MAP7D2: variants seen among roughly 807,000 people sequenced by gnomAD.
The protein encoded by MAP7D2 is MAP7 domain-containing protein 2.
In MAP7D2, 33 loss-of-function variants were observed where a neutral mutation model predicts 63.5. The ratio of observed to expected loss-of-function variants is 0.52; its 90% CI spans 0.39 to 0.70. MAP7D2 has a LOEUF of 0.70. MAP7D2 is among the 30% of genes least tolerant of loss of function. The pLI is 0.00. For synonymous variants in MAP7D2, 224 were observed against 223.7 expected (o/e 1.00, Z -0.01); for missense variants, 626 against 604.0 (o/e 1.04, Z -0.38).
At chrX:20,014,284 C>G (rs778558161) in intron 12 of MAP7D2, among the ~76,000 whole-genome samples, 1 of 112,257 alleles carries the variant, frequency 8.9e-6, no homozygotes, top group Non-Finnish European at 1.9e-5. Flanking sequence ...AAAGGGCTGT[C>G]AGGCCAAGCA....
chrX:20,039,573 T>C (rs2064592966), intron 8 of MAP7D2, among the ~76,000 whole-genome samples: 1 of 111,752 alleles, frequency 8.9e-6, no homozygotes, highest in South Asian at 3.8e-4. Context: ...TGGATTGGAT[T>C]GAAGGATGCA....
At chrX:20,104,465 T>C (rs1183680289) in intron 1 of MAP7D2, among the ~76,000 whole-genome samples, 1 of 111,635 alleles carries the variant, frequency 9.0e-6, no homozygotes, top group African/African-American at 3.3e-5. Context: ...CACACCCGGC[T>C]AATTTTTGTA....
chrX:20,019,071 A>G (rs970555824), intron 10 of MAP7D2, among the ~76,000 whole-genome samples: 28 of 109,341 alleles, frequency 2.6e-4, no homozygotes, highest in Middle Eastern at 4.6e-3. Context: ...CTGTTGCCCA[A>G]GTTGGAGTGC....
chrX:20,071,364 A>G (rs1291904072), intron 1 of MAP7D2, among the ~76,000 whole-genome samples: 3 of 112,440 alleles, frequency 2.7e-5, no homozygotes, highest in Non-Finnish European at 5.6e-5. Context: ...TGTTGCTTTA[A>G]AAGCCCCGCG....
At chrX:20,071,694 C>T (rs769830567) in intron 1 of MAP7D2, among the ~76,000 whole-genome samples, 1 of 112,575 alleles carries the variant, frequency 8.9e-6, no homozygotes, top group South Asian at 3.7e-4. Flanking sequence ...AAACAGTCTG[C>T]AGAAGGAATG....
chrX:20,075,821 G>A (rs2065629234), intron 1 of MAP7D2, among the ~76,000 whole-genome samples: 1 of 111,763 alleles, frequency 8.9e-6, no homozygotes, highest in South Asian at 3.7e-4. Flanking sequence ...ACTAACCTCA[G>A]GGGAATCATA....
chrX:20,096,476 A>G (rs1256742537), intron 1 of MAP7D2, among the ~76,000 whole-genome samples: 1 of 108,358 alleles, frequency 9.2e-6, no homozygotes, highest in African/African-American at 3.4e-5. Context: ...GACACATACT[A>G]CTTATACATA....
intron 7 of MAP7D2, 74 bp from the exon 8 acceptor site, chrX:20,042,703 T>C (rs2064692112): frequency 2.7e-6 from 3 of 1,117,483 alleles, no homozygotes; most frequent in Non-Finnish European, 3.7e-6. Context: ...ATACCCCAGA[T>C]GGAACAATGC....
In MAP7D2 at chrX:20,052,969, T is replaced by C. The variant is rs372337729; in HGVS notation, c.504A>G (p.Thr168=). 6.6e-6 allele frequency: 8 copies of C among 1,205,532 alleles called. No individual in the cohort carries two copies. Among genetic ancestry groups the C allele is most frequent in the Non-Finnish European group, 7.9e-6 (7 of 890,603 alleles). Residue 168 remains threonine (T), a synonymous_variant, in exon 5 of 17, where the codon ACA becomes ACG. Coordinates refer to ENST00000379643, the MANE Select transcript of MAP7D2 (RefSeq NM_001168465.2). Reference sequence around the variant, plus strand: ...TTGGCTTTGGCAAACTCATAGTTGATGTTGAAAGTTTGTCACATGCTGCAG... The same window carrying C: ...TTGGCTTTGGCAAACTCATAGTTGACGTTGAAAGTTTGTCACATGCTGCAG... ...GGHDACDKLS[T]STMSLPKPTE...
In MAP7D2 at chrX:20,034,011, G is replaced by A. The variant is rs571584648; in HGVS notation, c.1008-8059C>T. On this transcript the variant is annotated intron_variant, in intron 8 of 16. Coordinates refer to ENST00000379643, the MANE Select transcript of MAP7D2 (RefSeq NM_001168465.2). Reference sequence around the variant, plus strand: ...AGGCCAAGGCGGGTGGATCACTTGAGGTCAGGAGTTCAAAACCGGCCTGGC... The same window carrying A: ...AGGCCAAGGCGGGTGGATCACTTGAAGTCAGGAGTTCAAAACCGGCCTGGC... 1.8e-3 allele frequency among the ~76,000 whole-genome samples: 193 copies of A among 109,099 alleles called. 1 individual carries two copies. The highest frequency in any genetic ancestry group is 4.7e-3 in the Middle Eastern group (1 of 214). The allele number at this position is 109,099 out of a possible 115,157, so 94.7% of individuals were successfully genotyped here.
chrX:20,044,663 G>C, intron 6 of MAP7D2, 139 bp from the exon 7 acceptor site: 1 of 538,722 alleles, frequency 1.9e-6, no homozygotes, highest in East Asian at 3.6e-5. Context: ...ACACAGGATG[G>C]ATCTTACCCT....
intron 1 of MAP7D2, among the ~76,000 whole-genome samples, chrX:20,104,658 T>G (rs1000486079): frequency 3.6e-5 from 4 of 112,040 alleles, no homozygotes; most frequent in African/African-American, 1.3e-4. Flanking sequence ...TACAACTGCT[T>G]AAAAATATTG....
At chrX:20,043,921 C>T (rs951268885) in intron 7 of MAP7D2, among the ~76,000 whole-genome samples, 1 of 111,511 alleles carries the variant, frequency 9.0e-6, no homozygotes, top group African/African-American at 3.3e-5. Context: ...TTACTTGAGC[C>T]TAGGAATTCA....
intron 1 of MAP7D2, among the ~76,000 whole-genome samples, chrX:20,085,766 C>T (rs770389888): frequency 9.0e-4 from 101 of 112,283 alleles, no homozygotes; most frequent in African/African-American, 2.9e-3. Flanking sequence ...GGATGGAGTG[C>T]AGTGGTGCAA....
At chrX:20,068,918 G>A (rs768308503) in intron 1 of MAP7D2, among the ~76,000 whole-genome samples, 7 of 111,506 alleles carry the variant, frequency 6.3e-5, no homozygotes, top group Non-Finnish European at 1.1e-4. Context: ...TTATTTCTGC[G>A]TTTGCATCTT....
At chrX:20,091,052 CTT>C (rs1280083347) in intron 1 of MAP7D2, among the ~76,000 whole-genome samples, 6 of 91,903 alleles carry the variant, frequency 6.5e-5, no homozygotes, top group Non-Finnish European at 6.6e-5. Flanking sequence ...GTGGAACACT[CTT>C]TTTTTTTTTT....
intron 10 of MAP7D2, among the ~76,000 whole-genome samples, chrX:20,024,428 C>A (rs1201829834): frequency 8.9e-6 from 1 of 111,906 alleles, no homozygotes; most frequent in South Asian, 3.7e-4. Flanking sequence ...CTCCCCATAC[C>A]TCACTGTTCT....
chrX:20,093,035 C>A (rs2066111605), intron 1 of MAP7D2, among the ~76,000 whole-genome samples: 1 of 111,850 alleles, frequency 8.9e-6, no homozygotes, highest in African/African-American at 3.3e-5. Flanking sequence ...CAGCTTCCAC[C>A]CAGTTCTCTC....
chrX:20,016,355 TG>T (rs1569514351), intron 10 of MAP7D2, 30 bp from the exon 11 acceptor site: 3 of 1,177,516 alleles, frequency 2.5e-6, no homozygotes, highest in Non-Finnish European at 3.4e-6. Flanking sequence ...TGTTAGAAGA[TG>T]ACATGCTCGA....
Sources: allele counts gnomAD v4.1 joint callset (sites outside exome capture counted in the v4.1 genomes callset), GRCh38; gene constraint gnomAD v4.1.1; transcripts MANE v1.5; gene names NCBI Gene and HGNC (gene_info 2026-07-23, HGNC 2026-07-21).